Variants in DAB1 observed in about 807,000 individuals in gnomAD.
The protein encoded by DAB1 is disabled homolog 1.
Under a neutral mutation model 64.6 loss-of-function variants are expected in DAB1, and 15 were observed. That is an observed-to-expected ratio of 0.23 (90% CI 0.16 to 0.36). The LOEUF is 0.36. Ranked by LOEUF, DAB1 falls within the 10% of genes least tolerant of loss-of-function variation. The probability of loss-of-function intolerance (pLI) is 1.00; values close to 1 mark genes in which losing one functional copy is unlikely to be tolerated. For missense variants in DAB1, 596 were observed against 706.7 expected (o/e 0.84, Z 1.78); for synonymous variants, 235 against 251.9 (o/e 0.93, Z 0.64).
intron 2 of DAB1, among the ~76,000 whole-genome samples, chr1:57,220,409 C>T (rs1313898210): frequency 6.6e-6 from 1 of 152,158 alleles, no homozygotes; most frequent in Non-Finnish European, 1.5e-5. Flanking sequence ...TGGTAACAAC[C>T]ATAACCATAA....
At chr1:57,980,978 G>C (rs1037697502) in intron 5 of DAB1, among the ~76,000 whole-genome samples, 2 of 151,158 alleles carry the variant, frequency 1.3e-5, no homozygotes, top group African/African-American at 4.9e-5. Context: ...TAAAGAGATA[G>C]ATACATACAT....
At chr1:57,213,272 C>T (rs1265660721) in intron 2 of DAB1, among the ~76,000 whole-genome samples, 1 of 152,188 alleles carries the variant, frequency 6.6e-6, no homozygotes, top group East Asian at 1.9e-4. Context: ...CCAATATAAA[C>T]AATTACTTAG....
intron 4 of DAB1, among the ~76,000 whole-genome samples, chr1:57,128,139 G>T (rs1047442551): frequency 2.7e-5 from 4 of 147,772 alleles, no homozygotes; most frequent in African/African-American, 7.5e-5. Context: ...AAGAGTGAGA[G>T]TCTCAAAAAA....
At chr1:57,577,006 C>G (rs76690298) in intron 7 of DAB1, among the ~76,000 whole-genome samples, 1 of 152,142 alleles carries the variant, frequency 6.6e-6, no homozygotes, top group East Asian at 1.9e-4. Flanking sequence ...ATAATGTAAA[C>G]AAGATTGCAG....
intron 7 of DAB1, among the ~76,000 whole-genome samples, chr1:57,610,407 G>A (rs1645711947): frequency 6.6e-6 from 1 of 152,156 alleles, no homozygotes; most frequent in African/African-American, 2.4e-5. Flanking sequence ...CAGTCTTGAT[G>A]TACAGATAAG....
chr1:58,145,119 G>T (rs1483872166), intron 5 of DAB1, among the ~76,000 whole-genome samples: 1 of 152,198 alleles, frequency 6.6e-6, no homozygotes, highest in Non-Finnish European at 1.5e-5. Context: ...ACATTGTACT[G>T]CATGAAAGAA....
At chr1:58,325,040 C>T (rs941560923) in intron 4 of DAB1, among the ~76,000 whole-genome samples, 2 of 152,190 alleles carry the variant, frequency 1.3e-5, no homozygotes, top group Non-Finnish European at 2.9e-5. Flanking sequence ...AGGCAGCAGT[C>T]GCCAATAGGT....
chr1:57,514,729 T>C (rs984734647), intron 7 of DAB1, among the ~76,000 whole-genome samples: 2 of 152,208 alleles, frequency 1.3e-5, no homozygotes, highest in Admixed American at 6.5e-5. Flanking sequence ...CCAAAGAGTA[T>C]AGACAAAGGG....
rs906450823 is a variant in DAB1, at chr1:57,383,486, C to G, written c.-137+40444G>C. On this transcript the variant is annotated intron_variant, in intron 1 of 14. Transcript: ENST00000371236. Reference sequence around the variant, plus strand: ...TTTTCATGGGTTCACTGGCACTTGCCCCTGGAATCTCATACTATTTGGAGA... The same window carrying G: ...TTTTCATGGGTTCACTGGCACTTGCGCCTGGAATCTCATACTATTTGGAGA... Among the ~76,000 whole-genome samples, 3 of 152,104 alleles carry G rather than the reference C, an allele frequency of 2.0e-5. No individual in the cohort carries two copies. The South Asian group carries it at 6.2e-4, about 32-fold the overall frequency.
chr1:58,048,306 C>G (rs1468903938), intron 5 of DAB1: 12 of 1,211,536 alleles, frequency 9.9e-6, no homozygotes, highest in East Asian at 6.9e-5. Flanking sequence ...AAATCTCCCC[C>G]CTTCATGGGT....
chr1:57,290,680 G>A (rs147833486), intron 2 of DAB1, among the ~76,000 whole-genome samples: 10 of 151,962 alleles, frequency 6.6e-5, no homozygotes, highest in South Asian at 2.1e-4. Context: ...TTATGAATAC[G>A]AAACACACAA....
At chr1:57,740,046 C>CAAAAAAAAAAAAAAAAAAAAAAA (rs34382329) in intron 6 of DAB1, among the ~76,000 whole-genome samples, 1 of 103,142 alleles carries the variant, frequency 9.7e-6, no homozygotes, top group Non-Finnish European at 1.9e-5. Context: ...ACTACTACTA[C>CAAAAAAAAAAAAAAAAAAAAAAA]AAAAAAAAAA....
At chr1:57,617,489 C>G (rs976156381) in intron 7 of DAB1, among the ~76,000 whole-genome samples, 1 of 152,064 alleles carries the variant, frequency 6.6e-6, no homozygotes, top group Non-Finnish European at 1.5e-5. Flanking sequence ...TAAGATGGGT[C>G]CCTTGGCATA....
At chr1:58,165,335 C>A (rs978834562) in intron 4 of DAB1, among the ~76,000 whole-genome samples, 2 of 152,148 alleles carry the variant, frequency 1.3e-5, no homozygotes, top group Non-Finnish European at 2.9e-5. Flanking sequence ...GTGTGAGGAA[C>A]CCTCAAGGAC....
chr1:57,775,689 G>C (rs1027548702), intron 6 of DAB1, among the ~76,000 whole-genome samples: 3 of 151,604 alleles, frequency 2.0e-5, no homozygotes, highest in Non-Finnish European at 4.4e-5. Flanking sequence ...GTTGTTGAGT[G>C]TTGAGTTTTA....
chr1:57,981,109 TATA>T (rs1273719926), intron 5 of DAB1, among the ~76,000 whole-genome samples: 1 of 152,096 alleles, frequency 6.6e-6, no homozygotes, highest in East Asian at 1.9e-4. Flanking sequence ...AGCTCTACTT[TATA>T]ATACTTATAT....
At chr1:58,020,925 C>T (rs964425368) in intron 5 of DAB1, among the ~76,000 whole-genome samples, 1 of 152,138 alleles carries the variant, frequency 6.6e-6, no homozygotes. Flanking sequence ...ATCACTTGAA[C>T]CCAGGAGGTG....
chr1:57,215,770 A>G (rs985121801), intron 2 of DAB1, among the ~76,000 whole-genome samples: 1 of 152,106 alleles, frequency 6.6e-6, no homozygotes, highest in Non-Finnish European at 1.5e-5. Flanking sequence ...TTTCTTATCC[A>G]CTTTTTTCCT....
intron 5 of DAB1, among the ~76,000 whole-genome samples, chr1:57,953,918 CT>C (rs1192656824): frequency 2.0e-5 from 3 of 152,168 alleles, no homozygotes; most frequent in African/African-American, 7.2e-5. Flanking sequence ...ACATAACTGG[CT>C]GCCCACTGGT....
Sources: gnomAD v4.1 joint callset for allele counts (sites outside exome capture counted in the v4.1 genomes callset) on GRCh38, gnomAD v4.1.1 for gene constraint, MANE v1.5 for transcripts, NCBI Gene and HGNC (gene_info 2026-07-23, HGNC 2026-07-21) for gene names.